CDH13: variants seen among roughly 807,000 people sequenced by gnomAD.
CDH13 encodes the protein cadherin 13, also known as cadherin-13.
A neutral mutation model predicts 63.8 loss-of-function variants in CDH13; 24 were observed. The observed-to-expected ratio is 0.38, with a 90% CI of 0.27 to 0.53. The LOEUF is 0.53. Ranked by LOEUF, CDH13 falls within the 20% of genes least tolerant of loss-of-function variation. The pLI is 0.85. For missense variants in CDH13, 1,049 were observed against 903.1 expected (o/e 1.16, Z -2.07); for synonymous variants, 503 against 355.3 (o/e 1.42, Z -4.67).
chr16:82,788,175 G>C (rs1961306546), intron 1 of CDH13, among the ~76,000 whole-genome samples: 1 of 152,154 alleles, frequency 6.6e-6, no homozygotes, highest in Admixed American at 6.6e-5. Context: ...CTCCTTCCTA[G>C]AGAGAGAGGA....
At chr16:83,101,359 C>G (rs2034469813) in intron 3 of CDH13, among the ~76,000 whole-genome samples, 1 of 149,094 alleles carries the variant, frequency 6.7e-6, no homozygotes, top group Non-Finnish European at 1.5e-5. Flanking sequence ...ATATAGAACA[C>G]CATATATATG....
chr16:83,773,111 C>A (rs1459949668), intron 11 of CDH13, among the ~76,000 whole-genome samples: 1 of 152,166 alleles, frequency 6.6e-6, no homozygotes, highest in South Asian at 2.1e-4. Context: ...GACTGAGAGA[C>A]AGAGACACTA....
intron 5 of CDH13, among the ~76,000 whole-genome samples, chr16:83,289,124 G>A (rs141437327): frequency 1.1e-4 from 16 of 152,214 alleles, no homozygotes; most frequent in Admixed American, 5.9e-4. Context: ...TGGCCTACAA[G>A]AACCAAAAAA....
At chr16:83,694,167 C>A (rs1312116036) in intron 10 of CDH13, among the ~76,000 whole-genome samples, 1 of 152,148 alleles carries the variant, frequency 6.6e-6, no homozygotes, top group East Asian at 1.9e-4. Flanking sequence ...AGATAGAACT[C>A]AAGGGGAGGG....
chr16:82,815,093 C>A (rs910988538), intron 1 of CDH13, among the ~76,000 whole-genome samples: 1 of 151,902 alleles, frequency 6.6e-6, no homozygotes, highest in East Asian at 1.9e-4. Flanking sequence ...TCCATTATAC[C>A]GTAGGCTCAG....
intron 5 of CDH13, among the ~76,000 whole-genome samples, chr16:83,230,974 C>T (rs2039985724): frequency 6.6e-6 from 1 of 152,212 alleles, no homozygotes. Flanking sequence ...ATACCATTTC[C>T]ATTCAGAATG....
At chr16:83,090,585 A>AAT (rs1373623552) in intron 3 of CDH13, among the ~76,000 whole-genome samples, 3 of 151,590 alleles carry the variant, frequency 2.0e-5, no homozygotes, top group Admixed American at 6.6e-5. Flanking sequence ...AAAAAAAAAA[A>AAT]AAAAATAAGT....
intron 6 of CDH13, among the ~76,000 whole-genome samples, chr16:83,443,268 G>T (rs113286162): frequency 1.3e-5 from 2 of 152,152 alleles, no homozygotes; most frequent in Non-Finnish European, 2.9e-5. Flanking sequence ...CCCTGGGGAG[G>T]CCACGCCTCT....
intron 4 of CDH13, among the ~76,000 whole-genome samples, chr16:83,159,043 A>C (rs2037336031): frequency 6.6e-6 from 1 of 152,104 alleles, no homozygotes. Flanking sequence ...CTACATAGTC[A>C]GACACCTTCA....
At chr16:83,645,366 G>A (rs565092499) in intron 8 of CDH13, among the ~76,000 whole-genome samples, 15 of 152,112 alleles carry the variant, frequency 9.9e-5, no homozygotes, top group Non-Finnish European at 1.3e-4. Flanking sequence ...GAACATAAAC[G>A]TGGAAACAAT....
At chr16:82,921,889 T>C (rs2042166939) in intron 2 of CDH13, among the ~76,000 whole-genome samples, 1 of 152,168 alleles carries the variant, frequency 6.6e-6, no homozygotes, top group African/African-American at 2.4e-5. Flanking sequence ...AGCTTTTCTT[T>C]GCAGAAATAT....
chr16:82,836,174 T>C (rs144372321), intron 1 of CDH13, among the ~76,000 whole-genome samples: 298 of 152,284 alleles, frequency 2.0e-3, no homozygotes, highest in African/African-American at 7.0e-3. Flanking sequence ...TTGCCCAGAC[T>C]GGAGTGCATT....
chr16:83,424,465 C>T (rs2071825021), intron 6 of CDH13, among the ~76,000 whole-genome samples: 1 of 152,112 alleles, frequency 6.6e-6, no homozygotes, highest in Non-Finnish European at 1.5e-5. Context: ...AAGGCCTTGC[C>T]ATGCCCTTCA....
chr16:83,108,841 G>T (rs1338218451), intron 3 of CDH13, among the ~76,000 whole-genome samples: 1 of 152,060 alleles, frequency 6.6e-6, no homozygotes, highest in Non-Finnish European at 1.5e-5. Context: ...AATGACTGAT[G>T]GGAGCTGGGA....
intron 5 of CDH13, among the ~76,000 whole-genome samples, chr16:83,277,791 A>G (rs2089038981): frequency 6.6e-6 from 1 of 152,166 alleles, no homozygotes; most frequent in South Asian, 2.1e-4. Context: ...AAATATTTTT[A>G]TGTTAAAAAG....
Position 83,367,166 on chromosome 16 carries a change from A to C in CDH13, c.781+22160A>C, listed in dbSNP as rs114353649. Among the ~76,000 whole-genome samples the C allele has an allele frequency of 3.8e-3, 582 of 152,318 alleles. 4 individuals carry two copies. Among genetic ancestry groups the C allele is most frequent in the African/African-American group, 0.013 (555 of 41,568 alleles). ...TTTGGTACTAGACAACCAATGATCC[A>C]CTTTCTACCTCCATGGATTTGCCCA... On this transcript the variant is annotated intron_variant, in intron 6 of 13. Transcript: ENST00000567109.
intron 2 of CDH13, among the ~76,000 whole-genome samples, chr16:82,997,207 T>C (rs1912343858): frequency 6.6e-6 from 1 of 152,102 alleles, no homozygotes; most frequent in South Asian, 2.1e-4. Flanking sequence ...GTGATGATGA[T>C]AATGATGGTA....
At chr16:82,645,984 A>G (rs972970793) in intron 1 of CDH13, among the ~76,000 whole-genome samples, 2 of 152,246 alleles carry the variant, frequency 1.3e-5, no homozygotes, top group East Asian at 3.8e-4. Context: ...TTAGATAAAA[A>G]GTATTTGCAT....
chr16:83,328,517 A>G (rs2090418004), intron 5 of CDH13, among the ~76,000 whole-genome samples: 1 of 152,208 alleles, frequency 6.6e-6, no homozygotes, highest in Admixed American at 6.5e-5. Flanking sequence ...ACGTATTCAA[A>G]GATCGTGTGG....
Sources: gnomAD v4.1 joint callset for allele counts (sites outside exome capture counted in the v4.1 genomes callset) on GRCh38, gnomAD v4.1.1 for gene constraint, MANE v1.5 for transcripts, NCBI Gene and HGNC (gene_info 2026-07-23, HGNC 2026-07-21) for gene names.